ATP10B: variants seen among roughly 807,000 people sequenced by gnomAD.
The protein encoded by ATP10B is phospholipid-transporting ATPase VB.
Under a neutral mutation model 141.2 loss-of-function variants are expected in ATP10B, and 122 were observed. The ratio of observed to expected loss-of-function variants is 0.86; its 90% CI spans 0.75 to 1.00. The LOEUF is 1.00. Ranked by LOEUF, ATP10B falls within the 50% of genes least tolerant of loss-of-function variation. The probability of loss-of-function intolerance (pLI) is 0.00; values close to 1 mark genes in which losing one functional copy is unlikely to be tolerated. For missense variants in ATP10B, 1,876 were observed against 1,825.3 expected (o/e 1.03, Z -0.51); for synonymous variants, 685 against 692.0 (o/e 0.99, Z 0.16).
chr5:160,662,919 G>A (rs1487189442), intron 7 of ATP10B, among the ~76,000 whole-genome samples: 1 of 152,170 alleles, frequency 6.6e-6, no homozygotes, highest in Non-Finnish European at 1.5e-5. Flanking sequence ...CTAGTATCCA[G>A]AATCTACAAT....
At chr5:160,914,585 T>A in the ATP10B span, among the ~76,000 whole-genome samples, 1 of 152,210 alleles carries the variant, frequency 6.6e-6, no homozygotes, top group Non-Finnish European at 1.5e-5. Context: ...TACTGCTATT[T>A]TTTATTGTTT....
chr5:160,723,676 A>G (rs1766128182), intron 2 of ATP10B, among the ~76,000 whole-genome samples: 1 of 152,150 alleles, frequency 6.6e-6, no homozygotes, highest in Non-Finnish European at 1.5e-5. Context: ...TAGCCATATA[A>G]AATTAATCAA....
At chr5:160,779,014 T>C (rs952693252) in intron 2 of ATP10B, among the ~76,000 whole-genome samples, 11 of 152,164 alleles carry the variant, frequency 7.2e-5, no homozygotes, top group Admixed American at 1.3e-4. Context: ...CTGTGCAGCA[T>C]TGAAGCAAAG....
At chr5:160,642,031 T>G (rs547755441) in intron 9 of ATP10B, among the ~76,000 whole-genome samples, 2 of 152,284 alleles carry the variant, frequency 1.3e-5, no homozygotes, top group African/African-American at 4.8e-5. Context: ...GATCCTTGCC[T>G]TCTGAGACCC....
the ATP10B span, among the ~76,000 whole-genome samples, chr5:160,924,660 T>C: frequency 6.6e-6 from 1 of 152,168 alleles, no homozygotes; most frequent in South Asian, 2.1e-4. Context: ...CAACTGGCTA[T>C]CATGGCTTAA....
At chr5:160,893,121 G>A in the ATP10B span, among the ~76,000 whole-genome samples, 15,202 of 152,180 alleles carry the variant, frequency 0.1, 923 homozygotes, top group East Asian at 0.17. Context: ...CTGGGAGGCC[G>A]TTTGGGCAGA....
intron 2 of ATP10B, among the ~76,000 whole-genome samples, chr5:160,761,410 G>A (rs4286718): frequency 1.1e-4 from 5 of 47,484 alleles, no homozygotes; most frequent in East Asian, 7.2e-4. Flanking sequence ...GCCTACATTC[G>A]CCAGCACCAG....
At chr5:160,702,154 T>C (rs1041343905) in intron 3 of ATP10B, among the ~76,000 whole-genome samples, 1 of 152,210 alleles carries the variant, frequency 6.6e-6, no homozygotes, top group Admixed American at 6.5e-5. Context: ...ACTTCACTTA[T>C]TTGATAAACA....
chr5:160,865,555 A>G, the ATP10B span, among the ~76,000 whole-genome samples: 1 of 152,116 alleles, frequency 6.6e-6, no homozygotes, highest in Non-Finnish European at 1.5e-5. Flanking sequence ...AAATGCAACA[A>G]AAACAAAAAC....
intron 2 of ATP10B, among the ~76,000 whole-genome samples, chr5:160,776,955 G>T (rs895705112): frequency 9.2e-5 from 14 of 152,150 alleles, no homozygotes; most frequent in African/African-American, 3.4e-4. Flanking sequence ...GGAAAGAGTA[G>T]GTTGACACTT....
intron 2 of ATP10B, among the ~76,000 whole-genome samples, chr5:160,771,847 T>C (rs920639185): frequency 4.6e-5 from 7 of 152,346 alleles, no homozygotes; most frequent in Admixed American, 4.6e-4. Flanking sequence ...GTTTCACACA[T>C]ACTGTCTCCC....
chr5:160,723,563 T>C (rs1352078699), intron 2 of ATP10B, among the ~76,000 whole-genome samples: 3 of 152,212 alleles, frequency 2.0e-5, no homozygotes, highest in Non-Finnish European at 4.4e-5. Context: ...TGTCCCCAAA[T>C]GGCCATGGCA....
At chr5:160,909,549 G>A in the ATP10B span, among the ~76,000 whole-genome samples, 1 of 152,146 alleles carries the variant, frequency 6.6e-6, no homozygotes, top group Admixed American at 6.6e-5. Context: ...GCAGGATCCT[G>A]TTAGATATAG....
At chr5:160,872,090 T>G in the ATP10B span, among the ~76,000 whole-genome samples, 1 of 152,154 alleles carries the variant, frequency 6.6e-6, no homozygotes, top group Non-Finnish European at 1.5e-5. Context: ...CCATTTTTTC[T>G]GGAGTAAGGT....
chr5:160,813,956 G>C (rs1424516375), intron 1 of ATP10B, among the ~76,000 whole-genome samples: 1 of 152,082 alleles, frequency 6.6e-6, no homozygotes, highest in Non-Finnish European at 1.5e-5. Flanking sequence ...CAAACAGAAA[G>C]GACACCCACA....
At chr5:160,655,537 T>C (rs1413212236) in intron 7 of ATP10B, among the ~76,000 whole-genome samples, 1 of 151,766 alleles carries the variant, frequency 6.6e-6, no homozygotes, top group Non-Finnish European at 1.5e-5. Context: ...ATGGAGAGGG[T>C]GATATTAGAA....
chr5:160,649,160 G>T lies in ATP10B; in HGVS notation c.761+11C>A. 1 of 1,589,466 alleles carries T rather than the reference G, an allele frequency of 6.3e-7. No individual in the cohort carries two copies. The highest frequency in any genetic ancestry group is 8.6e-7 in the Non-Finnish European group (1 of 1,157,744). On this transcript the variant is annotated intron_variant, in intron 8 of 25. Coordinates refer to ENST00000327245, the MANE Select transcript of ATP10B (RefSeq NM_025153.3). ...GATATTTACTAGCAGCATGGGACATGAGATACTTACATATAACCCTTAAAT... is the reference window on the plus strand; with the variant it reads ...GATATTTACTAGCAGCATGGGACATTAGATACTTACATATAACCCTTAAAT...
At chr5:160,920,606 T>A in the ATP10B span, among the ~76,000 whole-genome samples, 2 of 152,204 alleles carry the variant, frequency 1.3e-5, no homozygotes, top group Non-Finnish European at 2.9e-5. Context: ...CCCAGATACG[T>A]AAGTCAGTGT....
chr5:160,912,414 CAAAAAAAAAA>C, the ATP10B span, among the ~76,000 whole-genome samples: 1,960 of 88,892 alleles, frequency 0.022, 40 homozygotes, highest in South Asian at 0.038. Context: ...CTGTTTCTAC[CAAAAAAAAAA>C]AAAAAAAAAA....
Sources: gnomAD v4.1 joint callset for allele counts (sites outside exome capture counted in the v4.1 genomes callset) on GRCh38, gnomAD v4.1.1 for gene constraint, MANE v1.5 for transcripts, NCBI Gene and HGNC (gene_info 2026-07-23, HGNC 2026-07-21) for gene names.